The following KCNQ5 variants were observed in gnomAD, a reference collection of about 807,000 sequenced individuals.
The protein encoded by KCNQ5 is potassium voltage-gated channel subfamily KQT member 5.
Under a neutral mutation model 98.2 loss-of-function variants are expected in KCNQ5, and 30 were observed. That is an observed-to-expected ratio of 0.31 (90% CI 0.23 to 0.41). The LOEUF is 0.41. Among genes scored for constraint, KCNQ5 ranks in the 10% least tolerant of loss-of-function variants. The pLI is 1.00. For synonymous variants in KCNQ5, 458 were observed against 449.4 expected, an observed-to-expected ratio of 1.02 and a Z score of -0.24; for missense variants, 835 against 1,182.5, an observed-to-expected ratio of 0.71 and a Z score of 4.31.
chr6:73,022,910 T>C (rs1331905379), intron 2 of KCNQ5, among the ~76,000 whole-genome samples: 1 of 152,170 alleles, frequency 6.6e-6, no homozygotes, highest in Non-Finnish European at 1.5e-5. Context: ...GAGAAGAACC[T>C]ACTCTTCTGA....
At chr6:72,667,281 C>T (rs1766872223) in intron 1 of KCNQ5, among the ~76,000 whole-genome samples, 1 of 152,124 alleles carries the variant, frequency 6.6e-6, no homozygotes, top group Non-Finnish European at 1.5e-5. Flanking sequence ...TTAAGCCTCA[C>T]CTCTGTCTCT....
At chr6:72,850,530 C>T (rs919340517) in intron 1 of KCNQ5, among the ~76,000 whole-genome samples, 1 of 152,126 alleles carries the variant, frequency 6.6e-6, no homozygotes, top group South Asian at 2.1e-4. Context: ...GACTCTTGTC[C>T]CCGGATCTCC....
intron 1 of KCNQ5, among the ~76,000 whole-genome samples, chr6:72,976,914 G>T (rs1293288233): frequency 6.6e-6 from 1 of 152,148 alleles, no homozygotes; most frequent in African/African-American, 2.4e-5. Flanking sequence ...CTTCAAATGG[G>T]TTTGCTTAGA....
rs67431655 is a variant in KCNQ5 at position 73,188,982 on chromosome 6, C to CAAAAAA, written c.1578-1573_1578-1568dup. ...TGGGTGAAAGGGCGAGACTCTGTCT[C>CAAAAAA]AAAAAAAAAAAAAAAAAAAAAAAGA... On this transcript the variant is annotated intron_variant, in intron 11 of 13. Transcript: ENST00000370398. 1.8e-3 allele frequency among the ~76,000 whole-genome samples: 150 copies of CAAAAAA among 82,410 alleles called. 2 individuals carry two copies. Among genetic ancestry groups the CAAAAAA allele is most frequent in the African/African-American group, 6.1e-3 (135 of 22,286 alleles). The allele number at this position is 82,410 out of a possible 152,430, so 54.1% of individuals were successfully genotyped here. A position where few individuals can be genotyped will look rare whatever the true frequency, so the allele number is the denominator to read the frequency against.
At chr6:73,011,160 A>G (rs746212981) in intron 2 of KCNQ5, among the ~76,000 whole-genome samples, 1 of 152,148 alleles carries the variant, frequency 6.6e-6, no homozygotes, top group Non-Finnish European at 1.5e-5. Flanking sequence ...GTAGTTTCCT[A>G]TAACATTATG....
chr6:72,892,193 A>T (rs190360042), intron 1 of KCNQ5, among the ~76,000 whole-genome samples: 15 of 152,320 alleles, frequency 9.8e-5, no homozygotes, highest in Non-Finnish European at 2.1e-4. Context: ...ATCTCTAAGT[A>T]CTTTAATTAA....
chr6:73,119,216 G>T (rs1424905877), intron 7 of KCNQ5, among the ~76,000 whole-genome samples: 1 of 152,208 alleles, frequency 6.6e-6, no homozygotes, highest in East Asian at 1.9e-4. Flanking sequence ...TCTCAAATGA[G>T]CAGTTCAGAT....
intron 1 of KCNQ5, among the ~76,000 whole-genome samples, chr6:72,815,602 G>A (rs983883020): frequency 6.6e-6 from 1 of 152,192 alleles, no homozygotes; most frequent in South Asian, 2.1e-4. Context: ...ATATTTGAAC[G>A]TGATTCTGCA....
intron 1 of KCNQ5, among the ~76,000 whole-genome samples, chr6:72,994,966 C>A (rs1184032504): frequency 6.6e-6 from 1 of 151,866 alleles, no homozygotes; most frequent in East Asian, 1.9e-4. Flanking sequence ...GAAAAAATAT[C>A]CTGAGTGCCA....
intron 1 of KCNQ5, among the ~76,000 whole-genome samples, chr6:72,862,306 T>C (rs1441027311): frequency 6.6e-6 from 1 of 152,184 alleles, no homozygotes; most frequent in African/African-American, 2.4e-5. Flanking sequence ...ATAAATGTCA[T>C]GTCTACTGTA....
At chr6:73,139,409 T>C (rs1776615904) in intron 10 of KCNQ5, among the ~76,000 whole-genome samples, 1 of 152,134 alleles carries the variant, frequency 6.6e-6, no homozygotes, top group Non-Finnish European at 1.5e-5. Flanking sequence ...GGGATTGCAT[T>C]TGGGGAAAGC....
intron 1 of KCNQ5, among the ~76,000 whole-genome samples, chr6:72,635,560 C>T (rs1383904725): frequency 1.3e-5 from 2 of 151,718 alleles, no homozygotes; most frequent in Non-Finnish European, 2.9e-5. Flanking sequence ...TTTCATTCAG[C>T]TTCCATGCTT....
intron 13 of KCNQ5, among the ~76,000 whole-genome samples, chr6:73,193,275 C>T (rs111276357): frequency 0.055 from 8,323 of 151,620 alleles, 289 homozygotes; most frequent in East Asian, 0.18. Context: ...TTGCCTTGGC[C>T]TCCCAAAGTG....
At chr6:72,973,702 C>T (rs1206419528) in intron 1 of KCNQ5, among the ~76,000 whole-genome samples, 1 of 152,152 alleles carries the variant, frequency 6.6e-6, no homozygotes, top group Non-Finnish European at 1.5e-5. Context: ...AAATACTCTT[C>T]CGATCAACTG....
intron 1 of KCNQ5, chr6:72,987,695 A>G (rs1485558852): frequency 1.9e-5 from 11 of 583,988 alleles, no homozygotes; most frequent in Admixed American, 5.1e-5. Context: ...ACCGCCCCCA[A>G]CAAGATCTTT....
At chr6:73,038,120 T>C (rs1771521903) in intron 2 of KCNQ5, among the ~76,000 whole-genome samples, 3 of 152,188 alleles carry the variant, frequency 2.0e-5, no homozygotes, top group African/African-American at 7.2e-5. Flanking sequence ...TTAAGTTATT[T>C]TTATTTGGAA....
At chr6:73,014,766 T>C (rs1167663163) in intron 2 of KCNQ5, among the ~76,000 whole-genome samples, 2 of 152,136 alleles carry the variant, frequency 1.3e-5, no homozygotes, top group African/African-American at 4.8e-5. Flanking sequence ...TAATAACAGC[T>C]ACATAATTTG....
chr6:73,066,865 T>G (rs1161139862), intron 3 of KCNQ5, among the ~76,000 whole-genome samples: 1 of 152,192 alleles, frequency 6.6e-6, no homozygotes, highest in East Asian at 1.9e-4. Flanking sequence ...AACACTTCTA[T>G]TCCTTCTTAT....
intron 1 of KCNQ5, among the ~76,000 whole-genome samples, chr6:72,779,851 G>A (rs867475584): frequency 0.017 from 2,466 of 148,108 alleles, 79 homozygotes; most frequent in African/African-American, 0.049. Context: ...GTGTGTGTGT[G>A]TGTGTGTGTG....
Sources: allele counts gnomAD v4.1 joint callset (sites outside exome capture counted in the v4.1 genomes callset), GRCh38; gene constraint gnomAD v4.1.1; transcripts MANE v1.5; gene names NCBI Gene and HGNC (gene_info 2026-07-23, HGNC 2026-07-21).